Variants in SEC16B observed in about 807,000 individuals in gnomAD.
SEC16B encodes the protein protein transport protein Sec16B.
A neutral mutation model predicts 141.8 loss-of-function variants in SEC16B; 115 were observed. That is an observed-to-expected ratio of 0.81 (90% CI 0.70 to 0.95). The LOEUF (loss-of-function observed/expected upper bound fraction) is 0.95. Ranked by LOEUF, SEC16B falls within the 40% of genes least tolerant of loss-of-function variation. SEC16B has a pLI of 0.00. For synonymous variants in SEC16B, 493 were observed against 492.5 expected (o/e 1.00, Z -0.01); for missense variants, 1,291 against 1,312.3 (o/e 0.98, Z 0.25).
Position 177,958,117 on chromosome 1 carries a change from G to A in SEC16B, c.1365+15C>T, listed in dbSNP as rs758064395. On this transcript the variant is annotated intron_variant, in intron 10 of 25. Transcript: ENST00000308284. ...TTGCTTTTTCAAAATAAGTATGGGG[G>A]AAGGGCATACTTGCCTTCTTCCTTC... 6.1e-6 allele frequency: 9 copies of A among 1,465,078 alleles called. No homozygotes were observed. In the South Asian group the frequency reaches 7.9e-5, roughly 13 times the overall value. The allele number at this position is 1,465,078 out of a possible 1,614,324, so 90.8% of individuals were successfully genotyped here.
intron 1 of SEC16B, among the ~76,000 whole-genome samples, chr1:177,981,270 G>A (rs1654402166): frequency 6.6e-6 from 1 of 152,044 alleles, no homozygotes; most frequent in Non-Finnish European, 1.5e-5. Flanking sequence ...GTGTGAGACT[G>A]ACCCCATCTC....
upstream of SEC16B, chr1:177,971,495 A>G (rs536553003): frequency 6.6e-6 from 1 of 152,362 alleles, no homozygotes; most frequent in African/African-American, 2.4e-5. Flanking sequence ...CATTAACAGC[A>G]GGAATCAGAA....
At chr1:177,956,706 T>C (rs1652628571) in intron 10 of SEC16B, among the ~76,000 whole-genome samples, 1 of 152,218 alleles carries the variant, frequency 6.6e-6, no homozygotes, top group Admixed American at 6.5e-5. Context: ...CCCTGCTTTA[T>C]GAGTTTTTGA....
intron 1 of SEC16B, among the ~76,000 whole-genome samples, chr1:177,983,941 G>A (rs1654527517): frequency 6.6e-6 from 1 of 152,192 alleles, no homozygotes; most frequent in South Asian, 2.1e-4. Context: ...GCCTTTGCCA[G>A]AGTATGAAGG....
Position 177,946,447 on chromosome 1 carries a change from TG to T in SEC16B, c.1747del (p.His583IlefsTer14). ...PFGHYTVKTD[H>X]LVLLGSSHSQ... ...GTGGCTGCTGCCCAGCAAGACCAGA[TG>T]GTCTGTCTTCACGGTGTAGTGGCCA... On this transcript the variant is annotated frameshift_variant, in exon 14 of 26. Transcript: ENST00000308284. LOFTEE classifies it high-confidence loss of function. 6.3e-7 allele frequency: 1 copy of T among 1,577,096 alleles called. No individual in the cohort carries two copies. Among genetic ancestry groups the T allele is most frequent in the Middle Eastern group, 1.7e-4 (1 of 5,982 alleles).
At chr1:177,982,559 T>C (rs1225433626) in intron 1 of SEC16B, among the ~76,000 whole-genome samples, 3 of 152,230 alleles carry the variant, frequency 2.0e-5, no homozygotes, top group Non-Finnish European at 2.9e-5. Flanking sequence ...AAAATGGATT[T>C]GATCCATCAT....
Position 177,950,128 on chromosome 1 carries a change from T to C in SEC16B, c.1545+1786A>G, listed in dbSNP as rs530531071. Among the ~76,000 whole-genome samples, 19 of 146,444 alleles carry C rather than the reference T, an allele frequency of 1.3e-4. No individual in the cohort carries two copies. In the East Asian group the frequency reaches 3.8e-3, roughly 29 times the overall value. ...GAAAATCATTTCTCTTTTCTTGGAATTAGCCACAAGCCATAAGAAGGATAA... is the reference window on the plus strand; with the variant it reads ...GAAAATCATTTCTCTTTTCTTGGAACTAGCCACAAGCCATAAGAAGGATAA... On this transcript the variant is annotated intron_variant, in intron 12 of 25. Coordinates refer to ENST00000308284, the MANE Select transcript of SEC16B (RefSeq NM_033127.4).
intron 2 of SEC16B, 105 bp downstream of exon 2, chr1:177,967,578 A>C: frequency 8.0e-7 from 1 of 1,248,544 alleles, no homozygotes; most frequent in Non-Finnish European, 1.1e-6. Context: ...GAGAAGGAAA[A>C]AGAAAAAAGG....
intron 4 of SEC16B, 57 bp from the exon 5 acceptor site, chr1:177,964,336 G>GAGTGCCTCAGCCTT: frequency 1.5e-6 from 2 of 1,304,552 alleles, no homozygotes; most frequent in Non-Finnish European, 2.2e-6. Context: ...GCAAGGCTGA[G>GAGTGCCTCAGCCTT]GCACTCTCCG....
chr1:177,980,406 T>C (rs1255113964), intron 1 of SEC16B, among the ~76,000 whole-genome samples: 2 of 152,142 alleles, frequency 1.3e-5, no homozygotes, highest in South Asian at 4.1e-4. Flanking sequence ...AAAAGCCTTT[T>C]CCCCATAGCT....
intron 15 of SEC16B, among the ~76,000 whole-genome samples, chr1:177,943,657 A>G (rs994643635): frequency 2.8e-4 from 43 of 152,344 alleles, no homozygotes; most frequent in African/African-American, 1.0e-3. Flanking sequence ...AAGTCAAGAA[A>G]ACACAAGGCA....
chr1:177,982,112 C>T (rs769822461), intron 1 of SEC16B, among the ~76,000 whole-genome samples: 1 of 152,134 alleles, frequency 6.6e-6, no homozygotes, highest in Non-Finnish European at 1.5e-5. Context: ...ATAAAGACAA[C>T]AAACACAGTA....
chr1:177,957,389 C>T (rs1001414411), intron 10 of SEC16B, among the ~76,000 whole-genome samples: 2 of 151,888 alleles, frequency 1.3e-5, no homozygotes, highest in Non-Finnish European at 2.9e-5. Context: ...TTTACCATAT[C>T]ATCTTAAGTT....
Position 177,965,972 on chromosome 1 carries a change from C to G in SEC16B, c.333G>C (p.Gln111His). 1 of 1,590,836 alleles carries G rather than the reference C, an allele frequency of 6.3e-7. No individual in the cohort carries two copies. The highest frequency in any genetic ancestry group is 8.6e-7 in the Non-Finnish European group (1 of 1,166,860). ...CATATTCCTCCCTCATTGTGGGAGA[C>G]TGATAGCTCTGATATGAATTCTCAT... ...PGYENSYQSY[Q>H]SPTMREEYAY... Residue 111 changes from glutamine to histidine, a missense_variant, in exon 3 of 26, where the codon CAG becomes CAC. By Grantham distance (24) the Gln-to-His change is conservative. This residue lies in a region of SEC16B where 681 missense variants were observed against 675.5 expected (regional missense o/e 1.01). Coordinates refer to ENST00000308284, the MANE Select transcript of SEC16B (RefSeq NM_033127.4).
Position 177,981,491 on chromosome 1 carries a change from A to G in SEC16B, c.-59+2715T>C, listed in dbSNP as rs145019892. Among the ~76,000 whole-genome samples the G allele has an allele frequency of 2.9e-3, 436 of 152,350 alleles. 5 individuals are homozygous for G. Among genetic ancestry groups the G allele is most frequent in the African/African-American group, 9.8e-3 (406 of 41,596 alleles). The stretch of plus-strand genomic sequence containing the variant: ...TGTCAACCTACAGCAGCAAGCAGCC[A>G]TCTGTCCACCATTTATTCATTCAAT... On this transcript the variant is annotated intron_variant and NMD_transcript_variant, in intron 1 of 24. Coordinates refer to the SEC16B transcript ENST00000528461.
chr1:177,947,613 A>G (rs1557976098), intron 13 of SEC16B, among the ~76,000 whole-genome samples: 1 of 151,412 alleles, frequency 6.6e-6, no homozygotes, highest in Non-Finnish European at 1.5e-5. Flanking sequence ...TCCTGGGTCC[A>G]GGAAAAGCCT....
At position 177,958,896 on chromosome 1, in the gene SEC16B, T is replaced by C. The variant is rs752733268; in HGVS notation, c.1078A>G (p.Ser360Gly). The C allele has an allele frequency of 2.5e-6, 4 of 1,613,614 alleles. No homozygotes were observed. Among genetic ancestry groups the C allele is most frequent in the Non-Finnish European group, 3.4e-6 (4 of 1,179,768 alleles). Residue 360 changes from serine to glycine, a missense_variant, in exon 9 of 26, where the codon AGC (serine) becomes GGC (glycine). This residue lies in a region of SEC16B where 681 missense variants were observed against 675.5 expected (regional missense o/e 1.01). Transcript: ENST00000308284. ...AQSCKSETLGSRDSALLWQLL... is the reference protein window; with the variant it reads ...AQSCKSETLGGRDSALLWQLL... ...TGCCACAGTAGAGCTGAGTCTCTGCTCCCCAGTGTCTCAGATTTGCAGCTC... is the reference window on the plus strand; with the variant it reads ...TGCCACAGTAGAGCTGAGTCTCTGCCCCCCAGTGTCTCAGATTTGCAGCTC...
At chr1:177,937,111 C>T in intron 19 of SEC16B, 103 bp downstream of exon 19, 1 of 1,322,254 alleles carries the variant, frequency 7.6e-7, no homozygotes, top group Non-Finnish European at 1.0e-6. Flanking sequence ...TCTTTCCCAG[C>T]TCCAACCCTA....
At chr1:177,961,315 G>T in intron 6 of SEC16B, 1 of 476,122 alleles carries the variant, frequency 2.1e-6, no homozygotes, top group South Asian at 3.3e-5. Flanking sequence ...AATTCTCTCT[G>T]GTCTTCCCTT....
Sources: allele counts gnomAD v4.1 joint callset (sites outside exome capture counted in the v4.1 genomes callset), GRCh38; gene constraint gnomAD v4.1.1; regional missense constraint gnomAD v4.1.1; transcripts MANE v1.5; gene names NCBI Gene and HGNC (gene_info 2026-07-23, HGNC 2026-07-21).